The following PUM3 variants were observed in gnomAD, a reference collection of about 807,000 sequenced individuals.
The protein encoded by PUM3 is pumilio homolog 3.
In PUM3, 91 loss-of-function variants were observed where a neutral mutation model predicts 84.0. The observed-to-expected ratio is 1.08, with a 90% confidence interval of 0.91 to 1.29. The LOEUF is 1.29. PUM3 is among the 50% of genes most tolerant of loss of function. PUM3 has a pLI of 0.00. For missense variants in PUM3, 1,067 were observed against 767.5 expected (o/e 1.39, Z -4.61); for synonymous variants, 321 against 266.7 (o/e 1.20, Z -1.98).
Position 2,811,685 on chromosome 9 carries a change from G to T in PUM3, c.1413-102C>A. 11 of 731,500 alleles carry T rather than the reference G, an allele frequency of 1.5e-5. No homozygotes were observed. In the South Asian group the frequency reaches 1.7e-4, roughly 12 times the overall value. The allele number at this position is 731,500 out of a possible 1,614,324, so 45.3% of individuals were successfully genotyped here. ...CTAAGAGCTTATCACAGACTGTATCGCACTCTATTATTATTGTCTATCTTT... is the reference window on the plus strand; with the variant it reads ...CTAAGAGCTTATCACAGACTGTATCTCACTCTATTATTATTGTCTATCTTT... On this transcript the variant is annotated intron_variant, in intron 14 of 17. Transcript: ENST00000397885.
intron 3 of PUM3, among the ~76,000 whole-genome samples, chr9:2,835,743 G>T (rs930226990): frequency 1.3e-5 from 2 of 152,144 alleles, no homozygotes; most frequent in Non-Finnish European, 2.9e-5. Flanking sequence ...ACATTTATCA[G>T]TGTGGGGGTT....
chr9:2,812,140 G>T, intron 14 of PUM3, 80 bp downstream of exon 14: 1 of 1,208,896 alleles, frequency 8.3e-7, no homozygotes, highest in Non-Finnish European at 1.2e-6. Flanking sequence ...GGTATGGATG[G>T]GTAAGTGGAC....
rs563020206 is a variant in PUM3, at chr9:2,837,869, T to C, written c.83-468A>G. Among the ~76,000 whole-genome samples the C allele has an allele frequency of 3.0e-4, 45 of 152,290 alleles. 1 individual carries two copies. The South Asian group carries it at 5.4e-3, about 18-fold the overall frequency. Reference sequence around the variant, plus strand: ...GACATCTAAAATGTTAATTTTAAAATTTTCTAGTTTTAAGAAAATTTTAAA... The same window carrying C: ...GACATCTAAAATGTTAATTTTAAAACTTTCTAGTTTTAAGAAAATTTTAAA... On this transcript the variant is annotated intron_variant, in intron 2 of 17. Transcript: ENST00000397885.
At chr9:2,839,051 CTG>C (rs1816202970) in intron 1 of PUM3, among the ~76,000 whole-genome samples, 2 of 152,192 alleles carry the variant, frequency 1.3e-5, no homozygotes, top group Non-Finnish European at 2.9e-5. Context: ...AGTGTTTAAT[CTG>C]TGATTGTTTT....
chr9:2,824,266 A>G (rs1815746996), intron 11 of PUM3, among the ~76,000 whole-genome samples: 1 of 152,218 alleles, frequency 6.6e-6, no homozygotes, highest in Non-Finnish European at 1.5e-5. Flanking sequence ...GACCAAGGAA[A>G]TAATGATAAT....
intron 3 of PUM3, among the ~76,000 whole-genome samples, chr9:2,835,390 A>C (rs964869556): frequency 6.6e-6 from 1 of 152,168 alleles, no homozygotes; most frequent in East Asian, 1.9e-4. Context: ...TGCACTTCAC[A>C]GTCTGGGCAA....
chr9:2,837,459 T>G (rs142975477), intron 2 of PUM3, 58 bp from the exon 3 acceptor site: 2 of 1,123,198 alleles, frequency 1.8e-6, no homozygotes, highest in Non-Finnish European at 2.6e-6. Context: ...CTTTTATCTA[T>G]TGGATTATAT....
In PUM3 at chr9:2,834,109, T is replaced by C; in HGVS notation, c.362A>G (p.Lys121Arg). 1 of 1,613,808 alleles carries C rather than the reference T, an allele frequency of 6.2e-7. No individual in the cohort carries two copies. Among genetic ancestry groups the C allele is most frequent in the Non-Finnish European group, 8.5e-7 (1 of 1,179,804 alleles). Residue 121 changes from lysine to arginine, a missense_variant, in exon 4 of 18, where the codon AAG becomes AGG. Lys to Arg is a conservative substitution (Grantham distance 26, BLOSUM62 2). Transcript: ENST00000397885. Reference protein sequence around the residue: ...DDFKKKKKELKQSRQLSDKTN... With the variant: ...DDFKKKKKELRQSRQLSDKTN... ...TTTATCACTGAGTTGTCTGCTTTGC[T>C]TCAGTTCTTTCTTCTTCTTTTTGAA...
At chr9:2,817,668 A>T (rs1302245742) in intron 13 of PUM3, among the ~76,000 whole-genome samples, 1 of 152,214 alleles carries the variant, frequency 6.6e-6, no homozygotes, top group East Asian at 1.9e-4. Context: ...AATAATAAAT[A>T]CCAAATTTAT....
chr9:2,829,339 C>T (rs765103453), intron 8 of PUM3, among the ~76,000 whole-genome samples: 1 of 152,184 alleles, frequency 6.6e-6, no homozygotes, highest in Non-Finnish European at 1.5e-5. Flanking sequence ...CTCTGTTCCC[C>T]TTCATCTCCA....
chr9:2,806,822 CTT>C, intron 17 of PUM3, among the ~76,000 whole-genome samples: 1 of 152,256 alleles, frequency 6.6e-6, no homozygotes, highest in South Asian at 2.1e-4. Flanking sequence ...CTTTTACAAT[CTT>C]TTAAAACAAT....
At chr9:2,835,950 A>C (rs1471048958) in intron 3 of PUM3, among the ~76,000 whole-genome samples, 1 of 152,214 alleles carries the variant, frequency 6.6e-6, no homozygotes, top group Non-Finnish European at 1.5e-5. Context: ...ACTCCAGTAG[A>C]GAAAGAAAGA....
intron 11 of PUM3, 137 bp from the exon 12 acceptor site, chr9:2,823,971 C>CCTTAT: frequency 2.0e-6 from 1 of 505,026 alleles, no homozygotes; most frequent in Non-Finnish European, 3.5e-6. Context: ...AATAGTTATA[C>CCTTAT]AGCCAGAACA....
At chr9:2,842,632 TC>T (rs111248480) in intron 1 of PUM3, among the ~76,000 whole-genome samples, 47 of 152,252 alleles carry the variant, frequency 3.1e-4, no homozygotes, top group African/African-American at 1.1e-3. Flanking sequence ...TCCACACTTC[TC>T]CCTAGGTGGT....
chr9:2,808,059 G>A, intron 16 of PUM3, 155 bp from the exon 17 acceptor site: 1 of 589,184 alleles, frequency 1.7e-6, no homozygotes, highest in Non-Finnish European at 3.0e-6. Flanking sequence ...AAAAATTCCA[G>A]TGCAGGTTTA....
chr9:2,834,654 C>G (rs764687959), intron 3 of PUM3, among the ~76,000 whole-genome samples: 3 of 152,172 alleles, frequency 2.0e-5, no homozygotes, highest in Non-Finnish European at 4.4e-5. Flanking sequence ...ATATTACCCT[C>G]TCTTCCATGG....
chr9:2,828,435 G>C (rs1464984320), intron 9 of PUM3: 8 of 399,280 alleles, frequency 2.0e-5, no homozygotes, highest in Non-Finnish European at 2.7e-5. Flanking sequence ...ATGTTTCATT[G>C]CTTAAAAAAG....
At chr9:2,820,230 C>A (rs1299512661) in intron 12 of PUM3, 132 bp from the exon 13 acceptor site, 7 of 518,668 alleles carry the variant, frequency 1.3e-5, no homozygotes, top group Non-Finnish European at 2.4e-5. Context: ...AGATTACCTA[C>A]ATTGACAACT....
At chr9:2,836,771 T>C (rs1331601242) in intron 3 of PUM3, among the ~76,000 whole-genome samples, 1 of 152,104 alleles carries the variant, frequency 6.6e-6, no homozygotes, top group Non-Finnish European at 1.5e-5. Flanking sequence ...CTATGATTAG[T>C]TGGGGCCTGT....
Sources: allele counts gnomAD v4.1 joint callset (sites outside exome capture counted in the v4.1 genomes callset), GRCh38; gene constraint gnomAD v4.1.1; transcripts MANE v1.5; gene names NCBI Gene and HGNC (gene_info 2026-07-23, HGNC 2026-07-21).